The following BRAF variants were observed in gnomAD, a reference collection of about 807,000 sequenced individuals.
BRAF encodes serine/threonine-protein kinase B-raf.
A neutral mutation model predicts 104.6 loss-of-function variants in BRAF; 16 were observed. The observed-to-expected ratio is 0.15, with a 90% CI of 0.10 to 0.23. The LOEUF (loss-of-function observed/expected upper bound fraction) is 0.23. Ranked by LOEUF, BRAF falls within the 10% of genes least tolerant of loss-of-function variation. The pLI, the probability that BRAF is intolerant of heterozygous loss-of-function variation, is 1.00. For synonymous variants in BRAF, 310 were observed against 341.6 expected, an observed-to-expected ratio of 0.91 and a Z score of 1.02; for missense variants, 541 against 937.3, an observed-to-expected ratio of 0.58 and a Z score of 5.52.
At chr7:140,874,608 C>T (rs1382744948) in intron 1 of BRAF, among the ~76,000 whole-genome samples, 1 of 150,700 alleles carries the variant, frequency 6.6e-6, no homozygotes, top group Non-Finnish European at 1.5e-5. Context: ...ACTTTTCTCA[C>T]GTAACCCCAT....
chr7:140,859,200 A>C (rs772446218), intron 1 of BRAF, among the ~76,000 whole-genome samples: 8 of 152,120 alleles, frequency 5.3e-5, no homozygotes, highest in Non-Finnish European at 7.4e-5. Flanking sequence ...GAGTCAGATG[A>C]CTCTAGAGGT....
chr7:140,808,760 G>GT, intron 4 of BRAF, 132 bp downstream of exon 4: 1 of 734,000 alleles, frequency 1.4e-6, no homozygotes, highest in Admixed American at 2.0e-5. Flanking sequence ...GGCTAACTTA[G>GT]TATTATTTTA....
Position 140,721,308 on chromosome 7 carries a change from A to G in BRAF, c.*5186T>C. ...ATTGCCCCATGCATTTTTTTTTTTT[A>G]AAGCACTGTTACCTTAATTTAAGAT... On this transcript the variant is annotated 3_prime_UTR_variant, in exon 20 of 20. Coordinates refer to ENST00000644969, the MANE Select transcript of BRAF (RefSeq NM_001374258.1). 1 of 1,133,918 alleles carries G rather than the reference A, an allele frequency of 8.8e-7. No homozygotes were observed. The highest frequency in any genetic ancestry group is 1.1e-6 in the Non-Finnish European group (1 of 925,112). 70.2% of individuals were successfully genotyped at this position (1,133,918 alleles called of 1,614,324 possible).
intron 1 of BRAF, among the ~76,000 whole-genome samples, chr7:140,898,205 T>A (rs1024017937): frequency 1.1e-4 from 16 of 151,438 alleles, no homozygotes; most frequent in African/African-American, 3.6e-4. Flanking sequence ...CTTAAAAAAA[T>A]AAATAAATAA....
At chr7:140,716,560 C>A (rs1038534402), downstream of BRAF, among the ~76,000 whole-genome samples, 1 of 152,162 alleles carries the variant, frequency 6.6e-6, no homozygotes, top group Non-Finnish European at 1.5e-5. Context: ...CCACCCCTCC[C>A]GTCAAAAATA....
intron 16 of BRAF, among the ~76,000 whole-genome samples, chr7:140,751,881 T>C (rs1330969772): frequency 6.6e-6 from 1 of 152,212 alleles, no homozygotes; most frequent in Non-Finnish European, 1.5e-5. Context: ...AAAGTCTTAG[T>C]GCAGATTAAG....
intron 1 of BRAF, among the ~76,000 whole-genome samples, chr7:140,902,104 T>C (rs1398983010): frequency 1.3e-5 from 2 of 152,252 alleles, no homozygotes; most frequent in African/African-American, 4.8e-5. Context: ...TTTTACAAAC[T>C]GAAGGTTGGT....
At chr7:140,773,904 C>T (rs981667637) in intron 14 of BRAF, among the ~76,000 whole-genome samples, 3 of 152,142 alleles carry the variant, frequency 2.0e-5, no homozygotes, top group Non-Finnish European at 2.9e-5. Context: ...TCTGTTATCC[C>T]CATCCTTATG....
chr7:140,906,503 G>A (rs1371566120), intron 1 of BRAF, among the ~76,000 whole-genome samples: 2 of 152,120 alleles, frequency 1.3e-5, no homozygotes, highest in Non-Finnish European at 2.9e-5. Flanking sequence ...TTTAATTAAG[G>A]TCTTACTAGT....
chr7:140,769,162 C>T (rs894091262), intron 14 of BRAF, among the ~76,000 whole-genome samples: 7 of 151,822 alleles, frequency 4.6e-5, no homozygotes, highest in African/African-American at 1.2e-4. Flanking sequence ...CTGCAACCTC[C>T]GTCTCCTGGG....
chr7:140,869,783 T>C (rs942820267), intron 1 of BRAF, among the ~76,000 whole-genome samples: 2 of 152,236 alleles, frequency 1.3e-5, no homozygotes, highest in Non-Finnish European at 2.9e-5. Flanking sequence ...ATTACAAATG[T>C]TGGAATTAAC....
intron 1 of BRAF, among the ~76,000 whole-genome samples, chr7:140,878,176 CAT>C (rs1484292025): frequency 6.6e-6 from 1 of 151,844 alleles, no homozygotes; most frequent in Non-Finnish European, 1.5e-5. Flanking sequence ...AAAAAACACA[CAT>C]ACCAAAACTG....
chr7:140,835,292 TTC>T (rs1050091037), intron 2 of BRAF: 74 of 185,344 alleles, frequency 4.0e-4, no homozygotes, highest in East Asian at 2.5e-3. Context: ...ATTCCATTCG[TTC>T]TCTCTCTCTC....
intron 6 of BRAF, among the ~76,000 whole-genome samples, chr7:140,800,723 G>A (rs1803011371): frequency 1.3e-5 from 2 of 152,122 alleles, no homozygotes; most frequent in Non-Finnish European, 2.9e-5. Flanking sequence ...ACTACAAGAT[G>A]AAAATCATGC....
At chr7:140,808,475 T>C in intron 4 of BRAF, 2 of 338,040 alleles carry the variant, frequency 5.9e-6, no homozygotes, top group Non-Finnish European at 5.6e-6. Flanking sequence ...TTAAAGAGGA[T>C]TCAAAATGTG....
rs574804524 is a variant in BRAF at position 140,724,447 on chromosome 7, C to T, written c.*2047G>A. 2.6e-5 allele frequency: 27 copies of T among 1,053,560 alleles called. No homozygotes were observed. In the South Asian group the frequency reaches 1.1e-3, roughly 41 times the overall value. The allele number at this position is 1,053,560 out of a possible 1,614,324, so 65.3% of individuals were successfully genotyped here. On this transcript the variant is annotated 3_prime_UTR_variant, in exon 20 of 20. Transcript: ENST00000644969. ...GCACAGAAGATGTTCTTCAAATCAG[C>T]GTGAATTATTTCCACCTTTGCAATT...
chr7:140,772,432 G>A (rs773652842), intron 14 of BRAF, among the ~76,000 whole-genome samples: 6 of 152,064 alleles, frequency 3.9e-5, no homozygotes, highest in Non-Finnish European at 8.8e-5. Context: ...GACCAGCCTG[G>A]GTGACATGGC....
At chr7:140,922,356 C>T (rs1206098475) in intron 1 of BRAF, among the ~76,000 whole-genome samples, 8 of 152,158 alleles carry the variant, frequency 5.3e-5, no homozygotes, top group Non-Finnish European at 7.3e-5. Context: ...CCATGGCCCT[C>T]GCTCTCACTT....
In BRAF at chr7:140,924,085, G is replaced by A. The variant is rs1293090966; in HGVS notation, c.138+481C>T. 6.6e-6 allele frequency among the ~76,000 whole-genome samples: 1 copy of A among 152,124 alleles called. No individual in the cohort carries two copies. Among genetic ancestry groups the A allele is most frequent in the Non-Finnish European group, 1.5e-5 (1 of 68,010 alleles). Reference sequence around the variant, plus strand: ...AGCGGACTGAGAAGGGGGGCAGTCCGGGAGAGGAGAGAGGAAATGATGAGC... The same window carrying A: ...AGCGGACTGAGAAGGGGGGCAGTCCAGGAGAGGAGAGAGGAAATGATGAGC... On this transcript the variant is annotated intron_variant, in intron 1 of 19. Transcript: ENST00000644969. The surrounding 1 kb of genome is among the most constrained non-coding windows in gnomAD (Gnocchi z 4.2).
Sources: allele counts gnomAD v4.1 joint callset (sites outside exome capture counted in the v4.1 genomes callset), GRCh38; gene constraint gnomAD v4.1.1; non-coding constraint Gnocchi (gnomAD v3.1); transcripts MANE v1.5; gene names NCBI Gene and HGNC (gene_info 2026-07-23, HGNC 2026-07-21).